Variants in FAM120A observed in about 807,000 individuals in gnomAD.
FAM120A encodes the protein family with sequence similarity 120 member A.
Under a neutral mutation model 109.7 loss-of-function variants are expected in FAM120A, and 15 were observed. That is an observed-to-expected ratio of 0.14 (90% CI 0.09 to 0.21). The LOEUF (loss-of-function observed/expected upper bound fraction) is 0.21. Among genes scored for constraint, FAM120A ranks in the 10% least tolerant of loss-of-function variants. The probability of loss-of-function intolerance (pLI) is 1.00; values close to 1 mark genes in which losing one functional copy is unlikely to be tolerated. For synonymous variants in FAM120A, 493 were observed against 572.8 expected (o/e 0.86, Z 1.99); for missense variants, 899 against 1,439.3 (o/e 0.62, Z 6.07).
In FAM120A at chr9:93,497,479, C is replaced by T. The variant is rs552235307; in HGVS notation, c.813C>T (p.Ala271=). ...TACGTTTGTTTTCTCAGGTCCGGGC[C>T]CACCAGCTGGTCTTGCCACCTTGCG... The part of the protein sequence containing the change: ...EHPLASLKVR[A]HQLVLPPCDV... The change falls in exon 4 of 18, where the codon GCC becomes GCT. Residue 271 remains alanine (A), a synonymous_variant. Transcript: ENST00000277165. The T allele has an allele frequency of 2.7e-5, 43 of 1,613,340 alleles. 2 individuals carry two copies. The Middle Eastern group carries it at 1.7e-3, about 62-fold the overall frequency.
At chr9:93,479,936 G>A (rs1858724091) in intron 3 of FAM120A, among the ~76,000 whole-genome samples, 1 of 152,198 alleles carries the variant, frequency 6.6e-6, no homozygotes, top group African/African-American at 2.4e-5. Flanking sequence ...AAGCACAAGG[G>A]AGAACAACTG....
At chr9:93,515,013 C>G (rs1860505862) in intron 5 of FAM120A, among the ~76,000 whole-genome samples, 1 of 152,022 alleles carries the variant, frequency 6.6e-6, no homozygotes, top group Non-Finnish European at 1.5e-5. Context: ...GGAATGATGA[C>G]TAGCACATGG....
At chr9:93,539,576 A>G (rs1305726153) in intron 10 of FAM120A, among the ~76,000 whole-genome samples, 2 of 152,180 alleles carry the variant, frequency 1.3e-5, no homozygotes, top group Non-Finnish European at 2.9e-5. Context: ...TTATACTACC[A>G]TGCTCTAAGT....
chr9:93,461,095 G>C (rs373523232), intron 1 of FAM120A, among the ~76,000 whole-genome samples: 38 of 152,294 alleles, frequency 2.5e-4, no homozygotes, highest in African/African-American at 8.9e-4. Context: ...TGGTCAATCT[G>C]CATTATGGAG....
intron 5 of FAM120A, among the ~76,000 whole-genome samples, chr9:93,507,269 T>A (rs1291693010): frequency 2.0e-5 from 3 of 152,046 alleles, no homozygotes; most frequent in African/African-American, 7.2e-5. Flanking sequence ...AATAAGTAGA[T>A]AGTAGATATT....
Position 93,452,166 on chromosome 9 carries a change from C to T in FAM120A, c.251C>T (p.Ala84Val). The change falls in exon 1 of 18, where the codon GCC becomes GTC. Residue 84 changes from alanine to valine, a missense_variant. This residue lies in a region of FAM120A where 258 missense variants were observed against 451.4 expected (regional missense o/e 0.57). Coordinates refer to ENST00000277165, the MANE Select transcript of FAM120A (RefSeq NM_014612.5). This position sits in a 1 kb window ranked among gnomAD's most constrained non-coding sequence, Gnocchi z 7.0. ...GGCTACCTGGCGGCGCTGGCCAAGG[C>T]CTGCTTCGGCGGCAACATCGAGCTC... ...MLGYLAALAK[A>V]CFGGNIELFV... The T allele has an allele frequency of 6.2e-7, 1 of 1,612,064 alleles. No homozygotes were observed. Among genetic ancestry groups the T allele is most frequent in the Non-Finnish European group, 8.5e-7 (1 of 1,179,828 alleles).
intron 1 of FAM120A, chr9:93,453,565 T>A (rs1212568430): frequency 4.1e-6 from 4 of 985,176 alleles, no homozygotes; most frequent in Non-Finnish European, 4.8e-6. Context: ...CGCGAGGAGA[T>A]GGTGGTAGTT....
At chr9:93,458,688 G>A (rs1857660401) in intron 1 of FAM120A, among the ~76,000 whole-genome samples, 1 of 152,118 alleles carries the variant, frequency 6.6e-6, no homozygotes, top group African/African-American at 2.4e-5. Flanking sequence ...TAGAATGCAA[G>A]GCATATACTA....
chr9:93,543,998 C>T (rs1861797748), intron 11 of FAM120A, among the ~76,000 whole-genome samples: 1 of 152,152 alleles, frequency 6.6e-6, no homozygotes, highest in Non-Finnish European at 1.5e-5. Flanking sequence ...AAGGTACAGT[C>T]AAAATATGGT....
chr9:93,469,590 G>T (rs186220387), intron 1 of FAM120A, among the ~76,000 whole-genome samples: 7 of 152,274 alleles, frequency 4.6e-5, no homozygotes, highest in African/African-American at 1.4e-4. Flanking sequence ...ATTTCTAGAA[G>T]TGAGAGGATG....
At chr9:93,488,319 C>A (rs1393001409) in intron 3 of FAM120A, among the ~76,000 whole-genome samples, 3 of 152,176 alleles carry the variant, frequency 2.0e-5, no homozygotes, top group African/African-American at 7.2e-5. Context: ...TTTGTCAAGA[C>A]CATGGATGGC....
chr9:93,481,655 C>T (rs931946012), intron 3 of FAM120A, among the ~76,000 whole-genome samples: 1 of 152,214 alleles, frequency 6.6e-6, no homozygotes, highest in African/African-American at 2.4e-5. Context: ...CCTTTTGCCT[C>T]CTTGTCTGGG....
At chr9:93,464,082 G>C (rs1040861115) in intron 1 of FAM120A, among the ~76,000 whole-genome samples, 3 of 152,212 alleles carry the variant, frequency 2.0e-5, no homozygotes, top group Admixed American at 6.5e-5. Flanking sequence ...CCTGGTGCCA[G>C]AGACACAAAC....
At chr9:93,480,610 A>G (rs1200348621) in intron 3 of FAM120A, among the ~76,000 whole-genome samples, 1 of 151,934 alleles carries the variant, frequency 6.6e-6, no homozygotes, top group Non-Finnish European at 1.5e-5. Flanking sequence ...ATGTACCTGG[A>G]AGAGTTGAGA....
chr9:93,464,801 C>T (rs2131230686), intron 1 of FAM120A, among the ~76,000 whole-genome samples: 1 of 152,310 alleles, frequency 6.6e-6, no homozygotes, highest in African/African-American at 2.4e-5. Flanking sequence ...GACTTTACCC[C>T]CTTTGAAGGG....
In FAM120A at chr9:93,498,453, C is replaced by T. The variant is rs372738155; in HGVS notation, c.934-337C>T. Among the ~76,000 whole-genome samples, 191 of 152,282 alleles carry T rather than the reference C, an allele frequency of 1.3e-3. 5 individuals are homozygous for T. In the South Asian group the frequency reaches 0.034, roughly 27 times the overall value. On this transcript the variant is annotated intron_variant, in intron 4 of 17. Coordinates refer to ENST00000277165, the MANE Select transcript of FAM120A (RefSeq NM_014612.5). The surrounding 1 kb of genome is among the most constrained non-coding windows in gnomAD (Gnocchi z 4.4). ...ACATCCCCAGTCTGTCACTGCCATC[C>T]GTTCCCTTGGTACAGATGGCTTGAG...
intron 15 of FAM120A, 148 bp from the exon 16 acceptor site, chr9:93,560,961 A>T: frequency 1.2e-6 from 1 of 821,638 alleles, no homozygotes; most frequent in Non-Finnish European, 1.9e-6. Flanking sequence ...TAGATACACT[A>T]CATAATAAAA....
intron 1 of FAM120A, among the ~76,000 whole-genome samples, chr9:93,469,599 T>A (rs1358537870): frequency 1.3e-5 from 2 of 152,206 alleles, no homozygotes; most frequent in Non-Finnish European, 2.9e-5. Context: ...AGTGAGAGGA[T>A]GAAGCAGGCC....
chr9:93,564,446 G>A lies in FAM120A; in HGVS notation c.3263G>A (p.Cys1088Tyr), dbSNP rs773891045. Residue 1088 changes from cysteine (C) to tyrosine (Y), a missense_variant, in exon 18 of 18, where the codon TGC (cysteine) becomes TAC (tyrosine). Around this residue, in one of 11 missense-constraint regions of FAM120A, gnomAD observed 170 missense variants for 205.0 expected, o/e 0.83. Transcript: ENST00000277165. ...ESALNNDSKT[C>Y]NTNPHLNALS... is the part of the protein sequence containing the mutation. ...GCCTTGAATAATGACTCTAAAACGT[G>A]CAATACAAATCCTCATTTAAATGCA... The A allele has an allele frequency of 2.5e-6, 4 of 1,614,232 alleles. No homozygotes were observed. The Admixed American group carries it at 6.7e-5, about 27-fold the overall frequency.
Sources: gnomAD v4.1 joint callset for allele counts (sites outside exome capture counted in the v4.1 genomes callset) on GRCh38, gnomAD v4.1.1 for gene constraint, gnomAD v4.1.1 regional missense constraint, Gnocchi (gnomAD v3.1) non-coding constraint, MANE v1.5 for transcripts, NCBI Gene and HGNC (gene_info 2026-07-23, HGNC 2026-07-21) for gene names.